The following SCFD2 variants were observed in gnomAD, a reference collection of about 807,000 sequenced individuals.
SCFD2 encodes sec1 family domain-containing protein 2.
In SCFD2, 54 loss-of-function variants were observed where a neutral mutation model predicts 58.9. That is an observed-to-expected ratio of 0.92 (90% confidence interval 0.74 to 1.15). The LOEUF is 1.15. Among genes scored for constraint, SCFD2 ranks in the 50% most tolerant of loss-of-function variants. The pLI is 0.00. For missense variants in SCFD2, 805 were observed against 836.6 expected (o/e 0.96, Z 0.47); for synonymous variants, 321 against 335.9 (o/e 0.96, Z 0.49).
At chr4:52,971,377 C>G (rs1383164782) in intron 5 of SCFD2, among the ~76,000 whole-genome samples, 1 of 152,126 alleles carries the variant, frequency 6.6e-6, no homozygotes, top group Non-Finnish European at 1.5e-5. Flanking sequence ...AATGCACAAG[C>G]CTCGTAGCTG....
chr4:53,187,387 T>TA (rs990631463), intron 4 of SCFD2, among the ~76,000 whole-genome samples: 1 of 151,958 alleles, frequency 6.6e-6, no homozygotes, highest in Non-Finnish European at 1.5e-5. Context: ...CATACCTTCC[T>TA]AAAAATGCAT....
chr4:53,011,676 G>A (rs971431690), intron 5 of SCFD2, among the ~76,000 whole-genome samples: 1 of 152,186 alleles, frequency 6.6e-6, no homozygotes, highest in Admixed American at 6.5e-5. Flanking sequence ...GAAACCAGCT[G>A]CACTTCTAAA....
intron 7 of SCFD2, among the ~76,000 whole-genome samples, chr4:52,887,896 C>CTTTTTTTTTT (rs71195133): frequency 1.3e-4 from 11 of 81,646 alleles, no homozygotes; most frequent in African/African-American, 1.5e-4. Flanking sequence ...ACATCTTATT[C>CTTTTTTTTTT]TTTTTTTTTT....
intron 4 of SCFD2, among the ~76,000 whole-genome samples, chr4:53,252,672 G>A (rs1730438316): frequency 6.6e-6 from 1 of 152,016 alleles, no homozygotes; most frequent in South Asian, 2.1e-4. Flanking sequence ...TGGGAAAACT[G>A]GCTAGCCATA....
At chr4:53,256,850 C>A (rs1176171998) in intron 4 of SCFD2, among the ~76,000 whole-genome samples, 1 of 137,492 alleles carries the variant, frequency 7.3e-6, no homozygotes, top group Non-Finnish European at 1.6e-5. Flanking sequence ...CAGAGGGAGA[C>A]CGTGGAAAGA....
In SCFD2 at chr4:52,968,050, T is replaced by A. The variant is rs571314823; in HGVS notation, c.1562-47180A>T. On this transcript the variant is annotated intron_variant, in intron 5 of 8. Coordinates refer to ENST00000401642, the MANE Select transcript of SCFD2 (RefSeq NM_152540.4). ...GGCTGGCAACACATAATAATTCAAT[T>A]CAAAAGCCACAACAGTCCTTTGGCC... is the stretch of plus-strand genomic sequence containing the variant. Among the ~76,000 whole-genome samples the A allele has an allele frequency of 2.0e-5, 3 of 152,256 alleles. No individual in the cohort carries two copies. In the East Asian group the frequency reaches 5.8e-4, roughly 29 times the overall value.
At chr4:53,079,587 A>C (rs940535958) in intron 5 of SCFD2, among the ~76,000 whole-genome samples, 1 of 152,190 alleles carries the variant, frequency 6.6e-6, no homozygotes, top group Non-Finnish European at 1.5e-5. Context: ...ACTGGCTACA[A>C]TGTGTAGGCA....
chr4:53,347,245 C>A (rs1734084565), intron 2 of SCFD2, among the ~76,000 whole-genome samples: 1 of 152,202 alleles, frequency 6.6e-6, no homozygotes. Context: ...ATCCCCATGC[C>A]CTCTTCCAGC....
chr4:53,301,153 A>G (rs920793166), intron 3 of SCFD2, among the ~76,000 whole-genome samples: 3 of 152,206 alleles, frequency 2.0e-5, no homozygotes, highest in African/African-American at 7.2e-5. Context: ...AAATCAATAA[A>G]TCCAGGAGCT....
intron 5 of SCFD2, among the ~76,000 whole-genome samples, chr4:53,099,293 G>A (rs563893680): frequency 7.2e-5 from 11 of 152,246 alleles, no homozygotes; most frequent in South Asian, 6.2e-4. Context: ...TTCACAAAGC[G>A]GAGAGTTGAA....
At chr4:53,019,867 T>A (rs1722306308) in intron 5 of SCFD2, among the ~76,000 whole-genome samples, 2 of 152,182 alleles carry the variant, frequency 1.3e-5, no homozygotes, top group African/African-American at 4.8e-5. Context: ...ATTATTATCA[T>A]AAAGGACAAG....
intron 5 of SCFD2, among the ~76,000 whole-genome samples, chr4:53,071,089 T>C (rs1723801000): frequency 6.6e-6 from 1 of 152,106 alleles, no homozygotes; most frequent in Admixed American, 6.6e-5. Context: ...CCTCCTCCAC[T>C]TCATCTTTAT....
chr4:53,188,282 G>A (rs990467287), intron 4 of SCFD2, among the ~76,000 whole-genome samples: 17 of 152,246 alleles, frequency 1.1e-4, no homozygotes, highest in African/African-American at 3.6e-4. Context: ...GTTTACCCAC[G>A]CTGTAACTCA....
chr4:53,037,653 T>C (rs1253433783), intron 5 of SCFD2, among the ~76,000 whole-genome samples: 1 of 152,154 alleles, frequency 6.6e-6, no homozygotes, highest in African/African-American at 2.4e-5. Flanking sequence ...ATGTAACCAA[T>C]GAAAATGGCC....
At chr4:53,054,224 T>G (rs1283527716) in intron 5 of SCFD2, among the ~76,000 whole-genome samples, 1 of 152,242 alleles carries the variant, frequency 6.6e-6, no homozygotes, top group Non-Finnish European at 1.5e-5. Flanking sequence ...CTTAGTAACC[T>G]GCAGTTCCAT....
chr4:52,894,379 C>A (rs1718950033), intron 7 of SCFD2, among the ~76,000 whole-genome samples: 3 of 152,084 alleles, frequency 2.0e-5, no homozygotes, highest in Admixed American at 2.0e-4. Flanking sequence ...AAGCTGAGGT[C>A]CAAACATATG....
In SCFD2 at chr4:53,224,404, A is replaced by AAC. The variant is rs55877546; in HGVS notation, c.1311+49421_1311+49422insGT. Among the ~76,000 whole-genome samples, 41 of 146,502 alleles carry AAC rather than the reference A, an allele frequency of 2.8e-4. No homozygotes were observed. The South Asian group carries it at 3.9e-3, about 14-fold the overall frequency. On this transcript the variant is annotated intron_variant, in intron 4 of 8. Transcript: ENST00000401642. ...ACTCCGTCTCAAAAAAAAAAAAAAA[A>AAC]GAGTCTTACATTTTCTGCCAGTTCC...
intron 4 of SCFD2, among the ~76,000 whole-genome samples, chr4:53,179,729 C>A (rs1462398375): frequency 6.6e-6 from 1 of 152,126 alleles, no homozygotes; most frequent in Non-Finnish European, 1.5e-5. Context: ...AGTCAAGACC[C>A]ATCAGTGTGC....
chr4:53,276,918 T>C (rs1279316071), intron 3 of SCFD2, among the ~76,000 whole-genome samples: 1 of 152,230 alleles, frequency 6.6e-6, no homozygotes, highest in African/African-American at 2.4e-5. Flanking sequence ...TCCTAATGAC[T>C]AATGATGTTA....
Sources: allele counts gnomAD v4.1 joint callset (sites outside exome capture counted in the v4.1 genomes callset), GRCh38; gene constraint gnomAD v4.1.1; transcripts MANE v1.5; gene names NCBI Gene and HGNC (gene_info 2026-07-23, HGNC 2026-07-21).